Variants in EEA1 observed in about 807,000 individuals in gnomAD.
EEA1 encodes early endosome antigen 1, also known as early endosome antigen 1, 162kD.
EEA1 carries 111 observed loss-of-function variants against 209.2 expected under a neutral mutation model. That is an observed-to-expected ratio of 0.53 (90% CI 0.45 to 0.62). The LOEUF (loss-of-function observed/expected upper bound fraction) is 0.62, where lower values mean the gene tolerates loss of function less well. EEA1 is among the 20% of genes least tolerant of loss of function. The probability of loss-of-function intolerance (pLI) is 0.00; values close to 1 mark genes in which losing one functional copy is unlikely to be tolerated. For synonymous variants in EEA1, 536 were observed against 540.6 expected, an observed-to-expected ratio of 0.99 and a Z score of 0.12; for missense variants, 1,343 against 1,530.8, an observed-to-expected ratio of 0.88 and a Z score of 2.05.
intron 3 of EEA1, 43 bp from the exon 4 acceptor site, chr12:92,857,528 TA>T (rs1877934906): frequency 7.6e-7 from 1 of 1,318,110 alleles, no homozygotes; most frequent in African/African-American, 1.5e-5. Flanking sequence ...CAATGTCCTT[TA>T]ATTAACAAAC....
chr12:92,793,898 G>A (rs1874527015), intron 21 of EEA1, among the ~76,000 whole-genome samples: 1 of 152,130 alleles, frequency 6.6e-6, no homozygotes, highest in Non-Finnish European at 1.5e-5. Context: ...TTAAACTAAA[G>A]AGCTTCCGCA....
intron 1 of EEA1, among the ~76,000 whole-genome samples, chr12:92,910,189 A>T (rs910624075): frequency 3.3e-5 from 5 of 150,714 alleles, no homozygotes; most frequent in African/African-American, 1.2e-4. Flanking sequence ...AATTAACTCA[A>T]GGTCAGGCGC....
At position 92,879,625 on chromosome 12, in the gene EEA1, GA is replaced by G. The variant is rs529491302; in HGVS notation, c.117+12003del. On this transcript the variant is annotated intron_variant, in intron 2 of 28. Transcript: ENST00000322349. ...CTAGAAAGCATCCTTAAGCTGATCAGAAAAAAACCCATGGCTACCATCATTC... is the reference window on the plus strand; with the variant it reads ...CTAGAAAGCATCCTTAAGCTGATCAGAAAAAACCCATGGCTACCATCATTC... Among the ~76,000 whole-genome samples, 888 of 152,038 alleles carry G rather than the reference GA, an allele frequency of 5.8e-3. 8 individuals carry two copies. The highest frequency in any genetic ancestry group is 0.02 in the African/African-American group (847 of 41,464).
At chr12:92,898,689 T>C (rs569272893) in intron 1 of EEA1, among the ~76,000 whole-genome samples, 1 of 149,434 alleles carries the variant, frequency 6.7e-6, no homozygotes, top group East Asian at 2.0e-4. Flanking sequence ...GAAGGAACAT[T>C]ACTTGTGTAA....
At chr12:92,903,602 A>G (rs1020988431) in intron 1 of EEA1, among the ~76,000 whole-genome samples, 7 of 152,124 alleles carry the variant, frequency 4.6e-5, no homozygotes, top group African/African-American at 1.7e-4. Flanking sequence ...CCATCTCAAA[A>G]AAAAAAGAAA....
intron 12 of EEA1, among the ~76,000 whole-genome samples, chr12:92,827,570 G>T (rs1388136103): frequency 6.6e-6 from 1 of 152,090 alleles, no homozygotes; most frequent in Non-Finnish European, 1.5e-5. Context: ...CCAACTACAT[G>T]TCATTAACGA....
intron 2 of EEA1, among the ~76,000 whole-genome samples, chr12:92,866,716 C>A (rs1878413574): frequency 6.6e-6 from 1 of 152,130 alleles, no homozygotes; most frequent in African/African-American, 2.4e-5. Flanking sequence ...CTCCAGAATT[C>A]TTCTGGATCT....
intron 25 of EEA1, among the ~76,000 whole-genome samples, chr12:92,778,818 C>T (rs1873773900): frequency 6.6e-6 from 1 of 152,016 alleles, no homozygotes; most frequent in Non-Finnish European, 1.5e-5. Context: ...AGCATTCACA[C>T]CATTTACCAG....
chr12:92,914,489 G>GT (rs1331162073), intron 1 of EEA1, among the ~76,000 whole-genome samples: 2 of 151,982 alleles, frequency 1.3e-5, no homozygotes, highest in African/African-American at 4.8e-5. Context: ...TTTTAGAATT[G>GT]TTTTTTCTAA....
At chr12:92,822,099 G>A (rs943452384) in intron 13 of EEA1, among the ~76,000 whole-genome samples, 6 of 151,554 alleles carry the variant, frequency 4.0e-5, no homozygotes, top group African/African-American at 1.5e-4. Flanking sequence ...TTCAGTGGAT[G>A]AGTTCCATTT....
At chr12:92,880,053 C>A (rs1879069842) in intron 2 of EEA1, among the ~76,000 whole-genome samples, 1 of 152,228 alleles carries the variant, frequency 6.6e-6, no homozygotes, top group South Asian at 2.1e-4. Context: ...CATTTTGTTC[C>A]CAAATGTAAT....
intron 2 of EEA1, among the ~76,000 whole-genome samples, chr12:92,879,776 G>C (rs1276501627): frequency 6.6e-6 from 1 of 152,202 alleles, no homozygotes; most frequent in African/African-American, 2.4e-5. Context: ...GACATCTGGT[G>C]AAAGTGGGAG....
At chr12:92,778,285 T>G (rs780425171) in intron 25 of EEA1, 106 bp from the exon 26 acceptor site, 2 of 808,088 alleles carry the variant, frequency 2.5e-6, no homozygotes, top group Non-Finnish European at 3.9e-6. Context: ...TCTTCGGGAA[T>G]GGAGGCAGGA....
Position 92,865,071 on chromosome 12 carries a change from T to C in EEA1, c.118-84A>G, listed in dbSNP as rs143553301. ...TTGCATATTATTAAATATCACCAAA[T>C]GTCTGAATCATACCAATGGTGCCAT... On this transcript the variant is annotated intron_variant, in intron 2 of 28. Coordinates refer to ENST00000322349, the MANE Select transcript of EEA1 (RefSeq NM_003566.4). 8.1e-6 allele frequency: 9 copies of C among 1,109,386 alleles called. No homozygotes were observed. The East Asian group carries it at 2.7e-4, about 33-fold the overall frequency. 68.7% of individuals were successfully genotyped at this position (1,109,386 alleles called of 1,614,324 possible).
chr12:92,839,077 T>G (rs1191581571), intron 10 of EEA1, among the ~76,000 whole-genome samples: 1 of 152,216 alleles, frequency 6.6e-6, no homozygotes, highest in Non-Finnish European at 1.5e-5. Flanking sequence ...TTGGAAAACA[T>G]GTATCCACCA....
chr12:92,821,120 G>A (rs1223056723), intron 13 of EEA1: 1 of 151,852 alleles, frequency 6.6e-6, no homozygotes, highest in Non-Finnish European at 1.5e-5. Context: ...CAATTTCCTG[G>A]GAAATACAAA....
intron 1 of EEA1, among the ~76,000 whole-genome samples, chr12:92,892,244 C>T (rs1446777662): frequency 6.6e-6 from 1 of 152,120 alleles, no homozygotes; most frequent in Middle Eastern, 3.2e-3. Context: ...GTGCACACCA[C>T]CACACCCAGC....
chr12:92,887,259 G>C (rs1442038786), intron 2 of EEA1, among the ~76,000 whole-genome samples: 1 of 152,156 alleles, frequency 6.6e-6, no homozygotes, highest in Non-Finnish European at 1.5e-5. Context: ...GCCAAGGCAG[G>C]AGGATCACTT....
At position 92,775,719 on chromosome 12, in the gene EEA1, T is replaced by C; in HGVS notation, c.*292A>G. 1 of 247,424 alleles carries C rather than the reference T, an allele frequency of 4.0e-6. No homozygotes were observed. The highest frequency in any genetic ancestry group is 7.7e-6 in the Non-Finnish European group (1 of 130,608). 15.3% of individuals were successfully genotyped at this position (247,424 alleles called of 1,614,324 possible). On this transcript the variant is annotated 3_prime_UTR_variant, in exon 29 of 29. Transcript: ENST00000322349. ...AATGAAATTATATTAAAAAAATACA[T>C]TGCTATTTTCTGTCCAAAGTTTATT...
Sources: gnomAD v4.1 joint callset for allele counts (sites outside exome capture counted in the v4.1 genomes callset) on GRCh38, gnomAD v4.1.1 for gene constraint, MANE v1.5 for transcripts, NCBI Gene and HGNC (gene_info 2026-07-23, HGNC 2026-07-21) for gene names.